The following ANKS1B variants were observed in gnomAD, a reference collection of about 807,000 sequenced individuals.
ANKS1B encodes the protein ankyrin repeat and sterile alpha motif domain containing 1B.
In ANKS1B, 36 loss-of-function variants were observed where a neutral mutation model predicts 148.3. The ratio of observed to expected loss-of-function variants is 0.24; its 90% confidence interval spans 0.19 to 0.32. ANKS1B has a LOEUF of 0.32. Ranked by LOEUF, ANKS1B falls within the 10% of genes least tolerant of loss-of-function variation. The pLI is 1.00. For missense variants in ANKS1B, 1,157 were observed against 1,542.6 expected, an observed-to-expected ratio of 0.75 and a Z score of 4.19; for synonymous variants, 542 against 560.8, an observed-to-expected ratio of 0.97 and a Z score of 0.47.
At chr12:99,907,901 C>A (rs2093850390) in intron 1 of ANKS1B, among the ~76,000 whole-genome samples, 1 of 149,984 alleles carries the variant, frequency 6.7e-6, no homozygotes. Flanking sequence ...TAAAACTAAC[C>A]CAAAAGAGGA....
At chr12:99,088,478 A>G (rs895534551) in intron 15 of ANKS1B, among the ~76,000 whole-genome samples, 2 of 152,302 alleles carry the variant, frequency 1.3e-5, no homozygotes, top group South Asian at 2.1e-4. Context: ...ATATTTTGAA[A>G]TTATGTTTCA....
downstream of ANKS1B, among the ~76,000 whole-genome samples, chr12:98,740,960 G>A (rs1042494617): frequency 7.2e-5 from 11 of 152,166 alleles, no homozygotes; most frequent in South Asian, 4.1e-4. Context: ...GCAATCTTGA[G>A]GCTAAAAGCC....
At chr12:98,756,100 C>T (rs997675722) in intron 25 of ANKS1B, among the ~76,000 whole-genome samples, 4 of 152,150 alleles carry the variant, frequency 2.6e-5, no homozygotes, top group Non-Finnish European at 4.4e-5. Flanking sequence ...CCTGTAATTC[C>T]AGCACTTTGG....
chr12:99,665,471 A>G (rs1439355617), intron 8 of ANKS1B, among the ~76,000 whole-genome samples: 1 of 151,112 alleles, frequency 6.6e-6, no homozygotes, highest in African/African-American at 2.4e-5. Flanking sequence ...ACACATTTTT[A>G]TTAGGTTGTT....
intron 24 of ANKS1B, among the ~76,000 whole-genome samples, chr12:98,774,594 C>A (rs1307722168): frequency 6.6e-6 from 1 of 152,192 alleles, no homozygotes; most frequent in Non-Finnish European, 1.5e-5. Context: ...TGTCACAGAT[C>A]TAAAACCCTC....
intron 1 of ANKS1B, among the ~76,000 whole-genome samples, chr12:99,857,637 T>C (rs149563772): frequency 1.1e-4 from 16 of 152,178 alleles, no homozygotes; most frequent in Non-Finnish European, 2.2e-4. Flanking sequence ...CCTCAAACTA[T>C]ACTAAAAGGC....
At position 98,745,665 on chromosome 12, in the gene ANKS1B, G is replaced by A. The variant is rs1017673701; in HGVS notation, c.*74C>T. ...TCTTCCTCCTGGGCTGGGTGGACGC[G>A]GAGGCGCGAAGGAAAGCCTGCTCCG... On this transcript the variant is annotated 3_prime_UTR_variant, in exon 27 of 27. Coordinates refer to ENST00000683438, the MANE Select transcript of ANKS1B (RefSeq NM_001352186.2). 43 of 1,577,354 alleles carry A rather than the reference G, an allele frequency of 2.7e-5. No homozygotes were observed. Among genetic ancestry groups the A allele is most frequent in the Middle Eastern group, 1.7e-4 (1 of 5,812 alleles).
intron 19 of ANKS1B, among the ~76,000 whole-genome samples, chr12:98,816,908 T>C (rs901553608): frequency 6.6e-6 from 1 of 151,912 alleles, no homozygotes; most frequent in African/African-American, 2.4e-5. Context: ...TGATATTATA[T>C]AGCTAATCTA....
chr12:99,983,128 A>G (rs2095730511), intron 1 of ANKS1B, among the ~76,000 whole-genome samples: 1 of 152,240 alleles, frequency 6.6e-6, no homozygotes, highest in South Asian at 2.1e-4. Context: ...AGGCGAAGAT[A>G]TGAATGACAA....
At chr12:99,692,982 G>C (rs1411616028) in intron 8 of ANKS1B, among the ~76,000 whole-genome samples, 1 of 152,174 alleles carries the variant, frequency 6.6e-6, no homozygotes, top group East Asian at 1.9e-4. Context: ...AAAAGTACTG[G>C]ATGTATTACT....
intron 20 of ANKS1B, among the ~76,000 whole-genome samples, chr12:98,806,878 C>T (rs1232669695): frequency 6.6e-6 from 1 of 152,164 alleles, no homozygotes; most frequent in Non-Finnish European, 1.5e-5. Flanking sequence ...CACGTGAACA[C>T]CAGTACCAGG....
chr12:99,602,341 G>C (rs141095552), intron 9 of ANKS1B, among the ~76,000 whole-genome samples: 1 of 152,034 alleles, frequency 6.6e-6, no homozygotes, highest in Admixed American at 6.6e-5. Context: ...AATTTGAGGA[G>C]GTGGTATTGC....
At chr12:99,819,939 A>C (rs569507957) in intron 2 of ANKS1B, among the ~76,000 whole-genome samples, 1 of 151,918 alleles carries the variant, frequency 6.6e-6, no homozygotes, top group African/African-American at 2.4e-5. Context: ...AGAGGAAGGC[A>C]GGTAGTCAGG....
At chr12:99,936,434 G>A (rs1238618110) in intron 1 of ANKS1B, among the ~76,000 whole-genome samples, 1 of 152,140 alleles carries the variant, frequency 6.6e-6, no homozygotes, top group Admixed American at 6.5e-5. Context: ...ATCACTTGAG[G>A]CCAGGAGTTC....
chr12:99,325,950 A>C (rs1379186108), intron 12 of ANKS1B, among the ~76,000 whole-genome samples: 6 of 152,094 alleles, frequency 3.9e-5, no homozygotes, highest in African/African-American at 1.4e-4. Flanking sequence ...CAGGAAATTT[A>C]AAATCACAGC....
intron 12 of ANKS1B, among the ~76,000 whole-genome samples, chr12:99,261,682 C>G (rs1282385306): frequency 1.3e-5 from 2 of 152,130 alleles, no homozygotes; most frequent in Admixed American, 6.6e-5. Flanking sequence ...CCTCACTTGT[C>G]CTTTTCTCCC....
intron 1 of ANKS1B, among the ~76,000 whole-genome samples, chr12:99,911,535 G>A (rs1207996472): frequency 6.6e-6 from 1 of 152,062 alleles, no homozygotes; most frequent in Non-Finnish European, 1.5e-5. Flanking sequence ...CTATTATTAG[G>A]TTGTAAAAAT....
intron 16 of ANKS1B, among the ~76,000 whole-genome samples, chr12:99,054,142 T>C (rs2099968035): frequency 6.6e-6 from 1 of 152,310 alleles, no homozygotes; most frequent in South Asian, 2.1e-4. Context: ...GTGACTCACT[T>C]CTAAAACTTG....
intron 9 of ANKS1B, among the ~76,000 whole-genome samples, chr12:99,603,873 T>C (rs1158560172): frequency 2.0e-5 from 3 of 152,106 alleles, no homozygotes; most frequent in Non-Finnish European, 4.4e-5. Flanking sequence ...ATTCTTATTA[T>C]GTTTGATCTT....
Sources: gnomAD v4.1 joint callset for allele counts (sites outside exome capture counted in the v4.1 genomes callset) on GRCh38, gnomAD v4.1.1 for gene constraint, MANE v1.5 for transcripts, NCBI Gene and HGNC (gene_info 2026-07-23, HGNC 2026-07-21) for gene names.